ZNF860: variants seen among roughly 807,000 people sequenced by gnomAD.
ZNF860 encodes the protein zinc finger protein 860.
For synonymous variants in ZNF860, 206 were observed against 248.9 expected, an observed-to-expected ratio of 0.83 and a Z score of 1.62; for missense variants, 641 against 759.2, an observed-to-expected ratio of 0.84 and a Z score of 1.83.
the ZNF860 span, among the ~76,000 whole-genome samples, chr3:32,003,075 C>A: frequency 6.6e-6 from 1 of 152,322 alleles, no homozygotes; most frequent in African/African-American, 2.4e-5. Context: ...AGTGTTACAG[C>A]ACAGTGAGGA....
chr3:31,982,773 G>C (rs1023841970), intron 1 of ZNF860, among the ~76,000 whole-genome samples: 2 of 152,180 alleles, frequency 1.3e-5, no homozygotes, highest in African/African-American at 4.8e-5. Context: ...CTGCAAAATG[G>C]GACAAATGAT....
the ZNF860 span, among the ~76,000 whole-genome samples, chr3:31,999,617 T>C: frequency 1.2e-4 from 19 of 152,096 alleles, no homozygotes; most frequent in African/African-American, 2.2e-4. Context: ...TGCCTTGGCC[T>C]CCCAAAGTGC....
chr3:32,005,843 T>C, the ZNF860 span, among the ~76,000 whole-genome samples: 1 of 152,202 alleles, frequency 6.6e-6, no homozygotes, highest in Non-Finnish European at 1.5e-5. Flanking sequence ...ACCTCAGGAC[T>C]CCCAAAGTGC....
the ZNF860 span, among the ~76,000 whole-genome samples, chr3:32,005,800 A>G: frequency 1.3e-5 from 2 of 151,772 alleles, no homozygotes; most frequent in African/African-American, 2.4e-5. Flanking sequence ...TGTTAGCCGC[A>G]TGGTCTCAGT....
the ZNF860 span, among the ~76,000 whole-genome samples, chr3:32,002,123 CT>C: frequency 6.6e-6 from 1 of 152,286 alleles, no homozygotes; most frequent in East Asian, 1.9e-4. Context: ...ACAAGTCCAT[CT>C]AGGGGAAAAC....
chr3:31,996,548 G>A (rs1012217051), downstream of ZNF860, among the ~76,000 whole-genome samples: 16 of 152,144 alleles, frequency 1.1e-4, no homozygotes, highest in African/African-American at 3.6e-4. Context: ...TCAGATTTAA[G>A]AATTGACTTT....
chr3:31,992,697 A>T (rs917354395), downstream of ZNF860, among the ~76,000 whole-genome samples: 2 of 152,198 alleles, frequency 1.3e-5, no homozygotes, highest in Non-Finnish European at 2.9e-5. Flanking sequence ...TATATGCAAA[A>T]AACAAACAAA....
Position 31,988,930 on chromosome 3 carries a change from C to G in ZNF860, c.-150C>G. ...AGCTGAAGTGCCTCCAAACCCCGACCCACAGCGACTGTGAGATAATCAGTG... is the reference window on the plus strand; with the variant it reads ...AGCTGAAGTGCCTCCAAACCCCGACGCACAGCGACTGTGAGATAATCAGTG... On this transcript the variant is annotated 5_prime_UTR_variant, in exon 2 of 2. Coordinates refer to ENST00000360311, the MANE Select transcript of ZNF860 (RefSeq NM_001137674.3). The G allele has an allele frequency of 9.7e-7, 1 of 1,035,956 alleles. No individual in the cohort carries two copies. The highest frequency in any genetic ancestry group is 1.4e-6 in the Non-Finnish European group (1 of 719,810). The allele number at this position is 1,035,956 out of a possible 1,614,324, so 64.2% of individuals were successfully genotyped here.
chr3:31,999,009 GA>G, the ZNF860 span, among the ~76,000 whole-genome samples: 1 of 152,112 alleles, frequency 6.6e-6, no homozygotes, highest in Non-Finnish European at 1.5e-5. Flanking sequence ...GTGTAAAAGA[GA>G]AAAAAGGAGG....
the ZNF860 span, among the ~76,000 whole-genome samples, chr3:31,999,059 A>T: frequency 6.6e-6 from 1 of 152,192 alleles, no homozygotes; most frequent in African/African-American, 2.4e-5. Context: ...GACAGTAATA[A>T]TCTCCTGAAG....
At chr3:32,002,230 A>C in the ZNF860 span, among the ~76,000 whole-genome samples, 4 of 152,188 alleles carry the variant, frequency 2.6e-5, no homozygotes, top group Admixed American at 1.3e-4. Flanking sequence ...TGCTATGATG[A>C]ATTGCTGTCC....
chr3:31,999,506 A>G, the ZNF860 span, among the ~76,000 whole-genome samples: 3 of 151,868 alleles, frequency 2.0e-5, no homozygotes, highest in African/African-American at 7.2e-5. Context: ...GATTACAGGC[A>G]TGCACAACCA....
chr3:31,989,091 G>A lies in ZNF860; in HGVS notation c.12G>A (p.Glu4=). The change falls in exon 2 of 2, where the codon GAG becomes GAA. Residue 4 remains glutamate, a synonymous_variant. Coordinates refer to ENST00000360311, the MANE Select transcript of ZNF860 (RefSeq NM_001137674.3). MLR[E]EAAQKRKEKE... ...ATTTCTAAAGACTCATGTTACGTGA[G>A]GAAGCAGCTCAGAAGAGGAAAGAAA... The A allele has an allele frequency of 6.2e-7, 1 of 1,614,052 alleles. No homozygotes were observed.
At chr3:31,999,740 C>T in the ZNF860 span, among the ~76,000 whole-genome samples, 1 of 152,054 alleles carries the variant, frequency 6.6e-6, no homozygotes, top group Non-Finnish European at 1.5e-5. Context: ...TCTGCTATGC[C>T]CAGATGTCAG....
downstream of ZNF860, among the ~76,000 whole-genome samples, chr3:31,991,943 T>C (rs910600035): frequency 2.0e-5 from 3 of 151,688 alleles, no homozygotes; most frequent in Admixed American, 1.3e-4. Flanking sequence ...GTTAGGAGTT[T>C]GAGACCAGCC....
At chr3:31,991,868 A>G (rs1336178618), downstream of ZNF860, among the ~76,000 whole-genome samples, 1 of 152,112 alleles carries the variant, frequency 6.6e-6, no homozygotes, top group Non-Finnish European at 1.5e-5. Context: ...CAGGCTAAAA[A>G]AAAAAAAATG....
chr3:31,996,363 G>A (rs539514222), downstream of ZNF860, among the ~76,000 whole-genome samples: 4 of 152,182 alleles, frequency 2.6e-5, no homozygotes, highest in Admixed American at 6.5e-5. Flanking sequence ...TCTCCCCCCC[G>A]TGCAAGGGAA....
At chr3:31,999,643 G>A in the ZNF860 span, among the ~76,000 whole-genome samples, 1 of 152,064 alleles carries the variant, frequency 6.6e-6, no homozygotes, top group African/African-American at 2.4e-5. Context: ...TTACAGGTGT[G>A]AGCCACCGTG....
the ZNF860 span, among the ~76,000 whole-genome samples, chr3:32,005,885 C>T: frequency 6.6e-6 from 1 of 151,682 alleles, no homozygotes; most frequent in African/African-American, 2.4e-5. Flanking sequence ...CGTGCCCAGC[C>T]CAATGTTTTT....
Sources: allele counts gnomAD v4.1 joint callset (sites outside exome capture counted in the v4.1 genomes callset), GRCh38; gene constraint gnomAD v4.1.1; transcripts MANE v1.5; gene names NCBI Gene and HGNC (gene_info 2026-07-23, HGNC 2026-07-21).